Variants in PRKD1 observed in about 807,000 individuals in gnomAD.
PRKD1 encodes the protein serine/threonine-protein kinase D1.
Under a neutral mutation model 95.9 loss-of-function variants are expected in PRKD1, and 63 were observed. The observed-to-expected ratio is 0.66, with a 90% CI of 0.54 to 0.81. The LOEUF is 0.81. Ranked by LOEUF, PRKD1 falls within the 30% of genes least tolerant of loss-of-function variation. The pLI is 0.00. For missense variants in PRKD1, 1,048 were observed against 1,165.3 expected (o/e 0.90, Z 1.47); for synonymous variants, 425 against 423.1 (o/e 1.00, Z -0.05).
intron 1 of PRKD1, among the ~76,000 whole-genome samples, chr14:29,900,901 A>T (rs1465600102): frequency 6.6e-6 from 1 of 152,192 alleles, no homozygotes; most frequent in Non-Finnish European, 1.5e-5. Context: ...GGAAATGCAA[A>T]CTAATTCAGC....
At chr14:29,739,838 A>T (rs1886904558) in intron 1 of PRKD1, among the ~76,000 whole-genome samples, 1 of 152,170 alleles carries the variant, frequency 6.6e-6, no homozygotes, top group South Asian at 2.1e-4. Context: ...ACCTTCTTTT[A>T]TTTTAATTTG....
At chr14:29,852,877 C>A (rs1892360449) in intron 1 of PRKD1, among the ~76,000 whole-genome samples, 1 of 151,940 alleles carries the variant, frequency 6.6e-6, no homozygotes. Flanking sequence ...AAAGTAAATC[C>A]CTCCTTATCA....
chr14:29,874,799 A>C (rs1165549860), intron 1 of PRKD1, among the ~76,000 whole-genome samples: 1 of 152,142 alleles, frequency 6.6e-6, no homozygotes, highest in East Asian at 1.9e-4. Flanking sequence ...GATCACAGGG[A>C]GATAGAAAAT....
At chr14:29,665,843 T>C (rs1466425922) in intron 3 of PRKD1, among the ~76,000 whole-genome samples, 1 of 152,142 alleles carries the variant, frequency 6.6e-6, no homozygotes, top group African/African-American at 2.4e-5. Context: ...GATCTATGTA[T>C]GTATACACAC....
rs113690757 is a variant in PRKD1, at chr14:29,626,422, C to T, written c.1798+62G>A. On this transcript the variant is annotated intron_variant, in intron 12 of 17. Transcript: ENST00000331968. ...TTCTATGTTTTTCCTGTAAATATCGCTTTTTAAAATATAACTAGCAAAAAT... is the reference window on the plus strand; with the variant it reads ...TTCTATGTTTTTCCTGTAAATATCGTTTTTTAAAATATAACTAGCAAAAAT... 5.5e-4 allele frequency: 737 copies of T among 1,327,990 alleles called. 4 individuals carry two copies. In the African/African-American group the frequency reaches 7.3e-3, roughly 13 times the overall value. 82.3% of individuals were successfully genotyped at this position (1,327,990 alleles called of 1,614,324 possible). A position where few individuals can be genotyped will look rare whatever the true frequency, so the allele number is the denominator to read the frequency against.
chr14:29,746,802 T>C (rs1887244263), intron 1 of PRKD1, among the ~76,000 whole-genome samples: 1 of 152,196 alleles, frequency 6.6e-6, no homozygotes, highest in South Asian at 2.1e-4. Flanking sequence ...AACATTAGAA[T>C]ATAACTTCCT....
chr14:29,830,823 G>A (rs886356434), intron 1 of PRKD1, among the ~76,000 whole-genome samples: 1 of 151,974 alleles, frequency 6.6e-6, no homozygotes, highest in African/African-American at 2.4e-5. Flanking sequence ...CTTCCCAGTA[G>A]CTGGGACTAC....
intron 1 of PRKD1, among the ~76,000 whole-genome samples, chr14:29,853,990 T>C (rs1309721462): frequency 6.6e-6 from 1 of 152,226 alleles, no homozygotes; most frequent in African/African-American, 2.4e-5. Context: ...TGTAAGTCCA[T>C]TAAACCTCTT....
chr14:29,597,790 G>A lies in PRKD1; in HGVS notation c.2167-32C>T, dbSNP rs373595381. On this transcript the variant is annotated intron_variant, in intron 15 of 17. Transcript: ENST00000331968. ...ATGAAAGGATTTGCAGAAATACTCC[G>A]TTCACAATTGTGTGTCTGTGTGTCT... The A allele has an allele frequency of 6.3e-5, 100 of 1,579,772 alleles. No individual in the cohort carries two copies. The Middle Eastern group carries it at 1.0e-3, about 16-fold the overall frequency.
At chr14:29,765,452 A>G (rs962288123) in intron 1 of PRKD1, among the ~76,000 whole-genome samples, 7 of 152,242 alleles carry the variant, frequency 4.6e-5, no homozygotes, top group Non-Finnish European at 1.0e-4. Context: ...ATAAATGGGT[A>G]AAAACCATTT....
chr14:29,852,208 G>A (rs1892336370), intron 1 of PRKD1, among the ~76,000 whole-genome samples: 1 of 152,018 alleles, frequency 6.6e-6, no homozygotes, highest in Non-Finnish European at 1.5e-5. Context: ...TAAAAAATCT[G>A]CATATTATAC....
chr14:29,725,522 T>C lies in PRKD1; in HGVS notation c.403+14A>G. On this transcript the variant is annotated intron_variant, in intron 2 of 17. Coordinates refer to ENST00000331968, the MANE Select transcript of PRKD1 (RefSeq NM_002742.3). ...CTAATCTACGGATAAAGAAAAGGTA[T>C]AAAAGTATACTACCTGACAAGACCA... is the stretch of plus-strand genomic sequence containing the variant. 8 of 1,610,334 alleles carry C rather than the reference T, an allele frequency of 5.0e-6. No homozygotes were observed. The highest frequency in any genetic ancestry group is 5.9e-6 in the Non-Finnish European group (7 of 1,178,112).
intron 1 of PRKD1, among the ~76,000 whole-genome samples, chr14:29,909,037 C>T (rs764927826): frequency 1.1e-4 from 17 of 152,294 alleles, no homozygotes; most frequent in East Asian, 1.9e-4. Context: ...GTGGCGCTCA[C>T]GGGTCAGCAT....
intron 1 of PRKD1, among the ~76,000 whole-genome samples, chr14:29,787,778 T>A (rs76635385): frequency 0.022 from 3,343 of 152,262 alleles, 132 homozygotes; most frequent in East Asian, 0.14. Flanking sequence ...TAGGTCTTTT[T>A]AAAAATTCAT....
At chr14:29,669,372 T>A (rs147226249) in intron 2 of PRKD1, among the ~76,000 whole-genome samples, 40 of 152,302 alleles carry the variant, frequency 2.6e-4, no homozygotes, top group Non-Finnish European at 4.4e-4. Flanking sequence ...TGATAACATG[T>A]CCCCACATTG....
intron 2 of PRKD1, among the ~76,000 whole-genome samples, chr14:29,680,834 G>T (rs549285263): frequency 3.6e-4 from 55 of 152,308 alleles, no homozygotes; most frequent in African/African-American, 1.3e-3. Flanking sequence ...GTTCCGATTT[G>T]AGGTTGGAGG....
intron 1 of PRKD1, among the ~76,000 whole-genome samples, chr14:29,774,730 T>C (rs1055550272): frequency 1.4e-5 from 2 of 147,176 alleles, no homozygotes; most frequent in Non-Finnish European, 3.1e-5. Context: ...GAGGAAACTA[T>C]GCTTTGGGGA....
intron 1 of PRKD1, among the ~76,000 whole-genome samples, chr14:29,894,111 T>C (rs1400844773): frequency 6.6e-6 from 1 of 152,090 alleles, no homozygotes; most frequent in Non-Finnish European, 1.5e-5. Flanking sequence ...GAGGAAGTGA[T>C]GTTAAAGTTG....
intron 2 of PRKD1, among the ~76,000 whole-genome samples, chr14:29,688,598 CT>C (rs1884020147): frequency 6.6e-6 from 1 of 152,014 alleles, no homozygotes; most frequent in Admixed American, 6.6e-5. Context: ...ATTCCTTAAA[CT>C]TTGAGAGGTC....
Sources: gnomAD v4.1 joint callset for allele counts (sites outside exome capture counted in the v4.1 genomes callset) on GRCh38, gnomAD v4.1.1 for gene constraint, MANE v1.5 for transcripts, NCBI Gene and HGNC (gene_info 2026-07-23, HGNC 2026-07-21) for gene names.